Variants in GATD1 observed in about 807,000 individuals in gnomAD.
The protein encoded by GATD1 is glutamine amidotransferase-like class 1 domain-containing protein 1.
In GATD1, 23 loss-of-function variants were observed where a neutral mutation model predicts 25.9. The observed-to-expected ratio is 0.89, with a 90% confidence interval of 0.64 to 1.26. The LOEUF is 1.26. Among genes scored for constraint, GATD1 ranks in the 50% most tolerant of loss-of-function variants. GATD1 has a pLI of 0.00. For missense variants in GATD1, 347 were observed against 312.5 expected, an observed-to-expected ratio of 1.11 and a Z score of -0.83; for synonymous variants, 177 against 134.6, an observed-to-expected ratio of 1.31 and a Z score of -2.18.
In GATD1 at chr11:770,870, C is replaced by A; in HGVS notation, c.*27G>T. 6.3e-7 allele frequency: 1 copy of A among 1,593,944 alleles called. No individual in the cohort carries two copies. Among genetic ancestry groups the A allele is most frequent in the Non-Finnish European group, 8.6e-7 (1 of 1,168,474 alleles). Reference sequence around the variant, plus strand: ...CTGCCTCTGGAGACACCTGGGCTGTCTCAGGGGGTGCATCTACCCAGCAGG... The same window carrying A: ...CTGCCTCTGGAGACACCTGGGCTGTATCAGGGGGTGCATCTACCCAGCAGG... On this transcript the variant is annotated 3_prime_UTR_variant, in exon 8 of 8. Transcript: ENST00000319863.
Position 771,118 on chromosome 11 carries a change from A to G in GATD1, c.545-14T>C. 1 of 1,576,964 alleles carries G rather than the reference A, an allele frequency of 6.3e-7. No homozygotes were observed. Reference sequence around the variant, plus strand: ...CAGGCTCGCTTGCTGGGGAGGACCGAGGGCACCAACCTCAGGCAATGTCCA... The same window carrying G: ...CAGGCTCGCTTGCTGGGGAGGACCGGGGGCACCAACCTCAGGCAATGTCCA... On this transcript the variant is annotated splice_polypyrimidine_tract_variant and intron_variant, in intron 6 of 7. Coordinates refer to ENST00000319863, the MANE Select transcript of GATD1 (RefSeq NM_182612.4).
chr11:774,527 C>A (rs943240496), intron 2 of GATD1, among the ~76,000 whole-genome samples: 5 of 152,214 alleles, frequency 3.3e-5, no homozygotes. Context: ...AGCACAGACC[C>A]ACAGCAAAAA....
In GATD1 at chr11:769,846, G is replaced by C. The variant is rs555176402; in HGVS notation, c.*1051C>G. ...TTAGCCAGGATGGTCTCGATCTCCT[G>C]ACCTCGTGATCCGCCCGCCTCGGCC... On this transcript the variant is annotated 3_prime_UTR_variant, in exon 8 of 8. Transcript: ENST00000319863. The C allele has an allele frequency of 4.9e-6, 4 of 822,800 alleles. No individual in the cohort carries two copies. Among genetic ancestry groups the C allele is most frequent in the East Asian group, 2.5e-4 (2 of 7,910 alleles). 51.0% of individuals were successfully genotyped at this position (822,800 alleles called of 1,614,324 possible).
At position 773,506 on chromosome 11, in the gene GATD1, C is replaced by T. The variant is rs1226836054; in HGVS notation, c.355+16G>A. ...TGCACATCCAACCCCTCCCCTGGGTCCCAGGGGTCACCTACTGCTCTCAGA... is the reference window on the plus strand; with the variant it reads ...TGCACATCCAACCCCTCCCCTGGGTTCCAGGGGTCACCTACTGCTCTCAGA... On this transcript the variant is annotated intron_variant, in intron 4 of 7. Coordinates refer to ENST00000319863, the MANE Select transcript of GATD1 (RefSeq NM_182612.4). 3.7e-6 allele frequency: 6 copies of T among 1,602,536 alleles called. No individual in the cohort carries two copies. In the East Asian group the frequency reaches 9.0e-5, roughly 24 times the overall value.
chr11:770,703 G>T lies in GATD1; in HGVS notation c.*194C>A. 1 of 1,442,746 alleles carries T rather than the reference G, an allele frequency of 6.9e-7. No homozygotes were observed. The highest frequency in any genetic ancestry group is 2.5e-5 in the East Asian group (1 of 40,808). 89.4% of individuals were successfully genotyped at this position (1,442,746 alleles called of 1,614,324 possible). ...CCAGAGAACATGCAGGAGGATGGGG[G>T]TTTGGACCCTCCAGGAGAGCCGACA... is the stretch of plus-strand genomic sequence containing the variant. On this transcript the variant is annotated 3_prime_UTR_variant, in exon 8 of 8. Transcript: ENST00000319863.
In GATD1 at chr11:770,254, T is replaced by C. The variant is rs1590080958; in HGVS notation, c.*643A>G. On this transcript the variant is annotated 3_prime_UTR_variant, in exon 8 of 8. Transcript: ENST00000319863. The stretch of plus-strand genomic sequence containing the variant: ...TATCATTGAGAATCTCATGGTCTCA[T>C]ATTCACAAGTAAACGTGCCTCTCAA... 2 of 1,430,960 alleles carry C rather than the reference T, an allele frequency of 1.4e-6. No homozygotes were observed. Among genetic ancestry groups the C allele is most frequent in the Non-Finnish European group, 1.8e-6 (2 of 1,088,806 alleles). The allele number at this position is 1,430,960 out of a possible 1,614,324, so 88.6% of individuals were successfully genotyped here.
At position 770,290 on chromosome 11, in the gene GATD1, A is replaced by G; in HGVS notation, c.*607T>C. The G allele has an allele frequency of 3.3e-6, 5 of 1,512,638 alleles. No homozygotes were observed. Among genetic ancestry groups the G allele is most frequent in the Non-Finnish European group, 4.4e-6 (5 of 1,136,046 alleles). 93.7% of individuals were successfully genotyped at this position (1,512,638 alleles called of 1,614,324 possible). On this transcript the variant is annotated 3_prime_UTR_variant, in exon 8 of 8. Coordinates refer to ENST00000319863, the MANE Select transcript of GATD1 (RefSeq NM_182612.4). ...AAACGTGCCTCTCAATGCTTAGGACAGGGTGCATCACTGAGGTGCTTACAC... is the reference window on the plus strand; with the variant it reads ...AAACGTGCCTCTCAATGCTTAGGACGGGGTGCATCACTGAGGTGCTTACAC...
Position 775,111 on chromosome 11 carries a change from G to T in GATD1, c.96C>A (p.Phe32Leu), listed in dbSNP as rs779542837. The change falls in exon 2 of 8, where the codon TTC (phenylalanine) becomes TTA (leucine). Residue 32 changes from phenylalanine (F) to leucine (L), a missense_variant. Coordinates refer to ENST00000319863, the MANE Select transcript of GATD1 (RefSeq NM_182612.4). ...GGTTGAAGGCGGTGCTGGCCATCGT[G>T]AAACAGTGGAGGAAGGACTGGGCCG... is the stretch of plus-strand genomic sequence containing the variant. ...GVSAQSFLHC[F>L]TMASTAFNLQ... 6 of 1,605,830 alleles carry T rather than the reference G, an allele frequency of 3.7e-6. No homozygotes were observed. The highest frequency in any genetic ancestry group is 5.1e-6 in the Non-Finnish European group (6 of 1,177,312).
intron 2 of GATD1, among the ~76,000 whole-genome samples, chr11:774,711 T>A (rs1863790932): frequency 6.6e-6 from 1 of 152,044 alleles, no homozygotes; most frequent in African/African-American, 2.4e-5. Flanking sequence ...ATGCCTGTAA[T>A]CCCAGCTACT....
chr11:773,683 G>T, intron 3 of GATD1, 54 bp from the exon 4 acceptor site: 1 of 1,361,610 alleles, frequency 7.3e-7, no homozygotes, highest in Non-Finnish European at 1.0e-6. Flanking sequence ...GAGACTACCT[G>T]CAGGACCAGG....
At chr11:771,513 G>A (rs1003759175) in intron 5 of GATD1, 87 bp from the exon 6 acceptor site, 4 of 1,445,720 alleles carry the variant, frequency 2.8e-6, no homozygotes, top group Middle Eastern at 2.0e-4. Flanking sequence ...AGGGCAGGGA[G>A]CCTCACCCAA....
At chr11:773,985 C>A in intron 3 of GATD1, 23 bp downstream of exon 3, 1 of 1,606,760 alleles carries the variant, frequency 6.2e-7, no homozygotes. Flanking sequence ...ACCCCACCCC[C>A]AAGGAGTGGG....
At chr11:771,290 C>T (rs750240426) in intron 6 of GATD1, 43 bp downstream of exon 6, 2 of 1,595,060 alleles carry the variant, frequency 1.3e-6, no homozygotes, top group African/African-American at 2.7e-5. Context: ...GGAAGCCCCC[C>T]ACCCCATCTT....
rs540905425 is a variant in GATD1 at position 767,332 on chromosome 11, T to C, written c.*3565A>G. 9.1e-6 allele frequency: 14 copies of C among 1,536,264 alleles called. No homozygotes were observed. The African/African-American group carries it at 1.6e-4, about 18-fold the overall frequency. Reference sequence around the variant, plus strand: ...CTCTTCTGGAGGTCTGTCCTCTTGCTTTCCTCCTCTGCCCCAGCCTGGTGC... The same window carrying C: ...CTCTTCTGGAGGTCTGTCCTCTTGCCTTCCTCCTCTGCCCCAGCCTGGTGC... On this transcript the variant is annotated 3_prime_UTR_variant, in exon 8 of 8. Coordinates refer to ENST00000319863, the MANE Select transcript of GATD1 (RefSeq NM_182612.4).
Position 770,752 on chromosome 11 carries a change from G to A in GATD1, c.*145C>T. 1 of 1,502,242 alleles carries A rather than the reference G, an allele frequency of 6.7e-7. No individual in the cohort carries two copies. The highest frequency in any genetic ancestry group is 2.3e-5 in the East Asian group (1 of 43,866). 93.1% of individuals were successfully genotyped at this position (1,502,242 alleles called of 1,614,324 possible). ...CACCCCCTCAGAGCTGATTCCAGGA[G>A]GCCTCCAACAATCCCATCAGGGCCA... On this transcript the variant is annotated 3_prime_UTR_variant, in exon 8 of 8. Coordinates refer to ENST00000319863, the MANE Select transcript of GATD1 (RefSeq NM_182612.4).
Position 767,367 on chromosome 11 carries a change from C to T in GATD1, c.*3530G>A. On this transcript the variant is annotated 3_prime_UTR_variant, in exon 8 of 8. Coordinates refer to ENST00000319863, the MANE Select transcript of GATD1 (RefSeq NM_182612.4). ...TGCCCCAGCCTGGTGCTGCCCCAAG[C>T]CCTGCCCTGGCAAAGAGAGAACTGT... The T allele has an allele frequency of 6.5e-7, 1 of 1,536,010 alleles. No homozygotes were observed. Among genetic ancestry groups the T allele is most frequent in the Non-Finnish European group, 8.7e-7 (1 of 1,146,784 alleles).
Position 769,753 on chromosome 11 carries a change from A to G in GATD1, c.*1144T>C, listed in dbSNP as rs1217401505. 2 of 227,012 alleles carry G rather than the reference A, an allele frequency of 8.8e-6. No homozygotes were observed. The highest frequency in any genetic ancestry group is 3.2e-4 in the South Asian group (2 of 6,284). 14.1% of individuals were successfully genotyped at this position (227,012 alleles called of 1,614,324 possible). ...GCCTCCCAAGTAGCTGGGACTACAC[A>G]CACCCACCACCATGCCAGGCTAACT... is the stretch of plus-strand genomic sequence containing the variant. On this transcript the variant is annotated 3_prime_UTR_variant, in exon 8 of 8. Coordinates refer to ENST00000319863, the MANE Select transcript of GATD1 (RefSeq NM_182612.4).
In GATD1 at chr11:772,489, C is replaced by T. The variant is rs368026951; in HGVS notation, c.388G>A (p.Ala130Thr). 2.5e-6 allele frequency: 4 copies of T among 1,612,796 alleles called. No homozygotes were observed. Among genetic ancestry groups the T allele is most frequent in the South Asian group, 2.2e-5 (2 of 91,096 alleles). ...TCCTCGTTGGTGGCACAGCACAGGG[C>T]GGCGACACCGTGGCCGACGGCGCAG... ...PICAVGHGVA[A>T]LCCATNEDRS... Residue 130 changes from alanine to threonine, a missense_variant, in exon 5 of 8, where the codon GCC (alanine) becomes ACC (threonine). Coordinates refer to ENST00000319863, the MANE Select transcript of GATD1 (RefSeq NM_182612.4).
At chr11:777,338 C>T in intron 1 of GATD1, 61 bp downstream of exon 1, 3 of 1,203,124 alleles carry the variant, frequency 2.5e-6, no homozygotes, top group South Asian at 3.2e-5. Flanking sequence ...CCGAACCTCC[C>T]GCCCCGGGCA....
Sources: gnomAD v4.1 joint callset for allele counts (sites outside exome capture counted in the v4.1 genomes callset) on GRCh38, gnomAD v4.1.1 for gene constraint, MANE v1.5 for transcripts, NCBI Gene and HGNC (gene_info 2026-07-23, HGNC 2026-07-21) for gene names.